The following G3BP1 variants were observed in gnomAD, a reference collection of about 807,000 sequenced individuals.
G3BP1 encodes the protein ras GTPase-activating protein-binding protein 1.
G3BP1 carries 35 observed loss-of-function variants against 58.6 expected under a neutral mutation model. The observed-to-expected ratio is 0.60, with a 90% CI of 0.46 to 0.79. The LOEUF (loss-of-function observed/expected upper bound fraction) is 0.79. G3BP1 is among the 30% of genes least tolerant of loss of function. The pLI, the probability that G3BP1 is intolerant of heterozygous loss-of-function variation, is 0.00. For missense variants in G3BP1, 523 were observed against 580.8 expected (o/e 0.90, Z 1.02); for synonymous variants, 191 against 195.4 (o/e 0.98, Z 0.19).
At chr5:151,785,153 A>T (rs961154438) in intron 1 of G3BP1, among the ~76,000 whole-genome samples, 1 of 152,232 alleles carries the variant, frequency 6.6e-6, no homozygotes, top group African/African-American at 2.4e-5. Flanking sequence ...GTGACCAGCC[A>T]ACTTTTAAAG....
At chr5:151,782,904 C>G (rs571339241) in intron 1 of G3BP1, among the ~76,000 whole-genome samples, 1 of 126,656 alleles carries the variant, frequency 7.9e-6, no homozygotes, top group Admixed American at 9.7e-5. Context: ...GTCGCCCAGG[C>G]TGGAGTGCAG....
At chr5:151,793,897 C>G (rs1762703397) in intron 4 of G3BP1, among the ~76,000 whole-genome samples, 1 of 150,400 alleles carries the variant, frequency 6.6e-6, no homozygotes, top group African/African-American at 2.4e-5. Flanking sequence ...CCCTGTAGTT[C>G]TAGCTACTTA....
rs895251730 is a variant in G3BP1, at chr5:151,797,223, A to G, written c.540-4A>G. The G allele has an allele frequency of 2.5e-6, 4 of 1,612,932 alleles. No homozygotes were observed. The highest frequency in any genetic ancestry group is 2.5e-6 in the Non-Finnish European group (3 of 1,179,420). ...ATGATATTTCTCAAATTTTCCTGTC[A>G]AAGTAATGACATGGAAGAACATTTA... On this transcript the variant is annotated splice_polypyrimidine_tract_variant and splice_region_variant and intron_variant, in intron 6 of 11. Coordinates refer to ENST00000356245, the MANE Select transcript of G3BP1 (RefSeq NM_005754.3).
At chr5:151,802,672 G>T (rs985338642) in intron 11 of G3BP1, among the ~76,000 whole-genome samples, 27 of 152,160 alleles carry the variant, frequency 1.8e-4, no homozygotes, top group African/African-American at 6.3e-4. Flanking sequence ...AGTGGCTCAC[G>T]CCTGTAATCC....
chr5:151,796,940 G>A (rs1392505666), intron 6 of G3BP1, among the ~76,000 whole-genome samples: 2 of 117,732 alleles, frequency 1.7e-5, no homozygotes, highest in Non-Finnish European at 3.2e-5. Flanking sequence ...TATGCTAAAT[G>A]AATTGTAATA....
chr5:151,781,176 A>C (rs1762464348), intron 1 of G3BP1, among the ~76,000 whole-genome samples: 1 of 152,236 alleles, frequency 6.6e-6, no homozygotes, highest in African/African-American at 2.4e-5. Context: ...ACACAAGTCT[A>C]TTACAGATTT....
Position 151,795,581 on chromosome 5 carries a change from A to T in G3BP1, c.539+6A>T, listed in dbSNP as rs904170617. The T allele has an allele frequency of 6.7e-7, 1 of 1,488,782 alleles. No homozygotes were observed. The highest frequency in any genetic ancestry group is 1.1e-5 in the South Asian group (1 of 87,988). 92.2% of individuals were successfully genotyped at this position (1,488,782 alleles called of 1,614,324 possible). A position where few individuals can be genotyped will look rare whatever the true frequency, so the allele number is the denominator to read the frequency against. On this transcript the variant is annotated splice_donor_region_variant and intron_variant, in intron 6 of 11. Transcript: ENST00000356245. ...TATGATCAGGCAGTTGTCAGGTAAG[A>T]AGATTTTGTTCACATGTCCGGGGCT... is the stretch of plus-strand genomic sequence containing the variant.
In G3BP1 at chr5:151,804,125, C is replaced by G. The variant is rs763289717; in HGVS notation, c.*34C>G. On this transcript the variant is annotated 3_prime_UTR_variant, in exon 12 of 12. Coordinates refer to ENST00000356245, the MANE Select transcript of G3BP1 (RefSeq NM_005754.3). The stretch of plus-strand genomic sequence containing the variant: ...GGATCTTCATGCAGCCATACAAACC[C>G]TGGTTCCAACAGAATGGTGAATTTT... 3 of 1,456,250 alleles carry G rather than the reference C, an allele frequency of 2.1e-6. No individual in the cohort carries two copies. The highest frequency in any genetic ancestry group is 2.0e-5 in the Admixed American group (1 of 50,976). The allele number at this position is 1,456,250 out of a possible 1,614,324, so 90.2% of individuals were successfully genotyped here.
Position 151,807,995 on chromosome 5 carries a change from A to G in G3BP1, c.*3904A>G, listed in dbSNP as rs1172872207. 1.3e-5 allele frequency: 2 copies of G among 152,228 alleles called. No homozygotes were observed. Among genetic ancestry groups the G allele is most frequent in the Non-Finnish European group, 2.9e-5 (2 of 68,038 alleles). 9.4% of individuals were successfully genotyped at this position (152,228 alleles called of 1,614,324 possible). A position where few individuals can be genotyped will look rare whatever the true frequency, so the allele number is the denominator to read the frequency against. ...TTCAGCAGTTTTTAAACTTGAAGTA[A>G]CATCAGCATTTATTTGAATATCAGG... On this transcript the variant is annotated 3_prime_UTR_variant, in exon 12 of 12. Coordinates refer to ENST00000356245, the MANE Select transcript of G3BP1 (RefSeq NM_005754.3).
At chr5:151,783,054 T>G (rs1762498709) in intron 1 of G3BP1, among the ~76,000 whole-genome samples, 1 of 151,896 alleles carries the variant, frequency 6.6e-6, no homozygotes, top group African/African-American at 2.4e-5. Flanking sequence ...AGGCGGGGTT[T>G]CGCCATGTTG....
intron 1 of G3BP1, among the ~76,000 whole-genome samples, chr5:151,775,071 G>A (rs1762343198): frequency 6.6e-6 from 1 of 152,178 alleles, no homozygotes; most frequent in Admixed American, 6.5e-5. Flanking sequence ...AAGGTGGAAA[G>A]CAATTTCAAA....
chr5:151,789,794 A>G (rs1197044573), intron 2 of G3BP1, among the ~76,000 whole-genome samples: 4 of 152,180 alleles, frequency 2.6e-5, no homozygotes, highest in Non-Finnish European at 5.9e-5. Context: ...TGAAACCTGG[A>G]ACCAAATCCA....
At chr5:151,788,617 ATTT>A (rs143074537) in intron 2 of G3BP1, among the ~76,000 whole-genome samples, 1,397 of 66,954 alleles carry the variant, frequency 0.021, 18 homozygotes, top group African/African-American at 0.057. Context: ...TGTGTGTATT[ATTT>A]ATTTATTTAT....
At chr5:151,772,352 C>T (rs571133459) in intron 1 of G3BP1, 1 of 152,180 alleles carries the variant, frequency 6.6e-6, no homozygotes, top group African/African-American at 2.4e-5. Context: ...CCAGGGGTCC[C>T]GCGCCCAGCG....
chr5:151,787,166 A>G (rs1017628136), intron 2 of G3BP1: 1 of 152,446 alleles, frequency 6.6e-6, no homozygotes, highest in African/African-American at 2.4e-5. Context: ...GCCCCAAAAA[A>G]TAATTTTTGA....
chr5:151,785,185 A>G (rs1486639182), intron 1 of G3BP1, among the ~76,000 whole-genome samples: 1 of 152,162 alleles, frequency 6.6e-6, no homozygotes, highest in African/African-American at 2.4e-5. Flanking sequence ...AAGACTTAGG[A>G]TCTAGATTGT....
Position 151,806,771 on chromosome 5 carries a change from A to T in G3BP1, c.*2680A>T, listed in dbSNP as rs192222498. Reference sequence around the variant, plus strand: ...TGTATAGTTATTAGCTACTGAGCTTAGAACTCTTGACCCATGAGATTTTTT... The same window carrying T: ...TGTATAGTTATTAGCTACTGAGCTTTGAACTCTTGACCCATGAGATTTTTT... On this transcript the variant is annotated 3_prime_UTR_variant, in exon 12 of 12. Coordinates refer to ENST00000356245, the MANE Select transcript of G3BP1 (RefSeq NM_005754.3). The T allele has an allele frequency of 6.6e-6, 1 of 152,324 alleles. No individual in the cohort carries two copies. The highest frequency in any genetic ancestry group is 6.5e-5 in the Admixed American group (1 of 15,292). The allele number at this position is 152,324 out of a possible 1,614,324, so 9.4% of individuals were successfully genotyped here.
At chr5:151,790,788 C>T (rs1276278693) in intron 3 of G3BP1, 101 bp from the exon 4 acceptor site, 2 of 674,068 alleles carry the variant, frequency 3.0e-6, no homozygotes, top group East Asian at 2.8e-5. Context: ...TAAATATACA[C>T]ATTCTCTTTG....
rs746314390 is a variant in G3BP1, at chr5:151,799,954, G to A, written c.909G>A (p.Val303=). The A allele has an allele frequency of 7.4e-6, 12 of 1,613,390 alleles. No individual in the cohort carries two copies. The East Asian group carries it at 1.8e-4, about 24-fold the overall frequency. The stretch of plus-strand genomic sequence containing the variant: ...AAAGACCTCAGCGGGATCAAAGAGT[G>A]CGAGAACAACGAATAAATATTCCTC... ...PPQRPQRDQR[V]REQRINIPPQ... is the part of the protein sequence containing the mutation. Residue 303 remains valine, a synonymous_variant, in exon 9 of 12, where the codon GTG becomes GTA. Transcript: ENST00000356245.
Sources: gnomAD v4.1 joint callset for allele counts (sites outside exome capture counted in the v4.1 genomes callset) on GRCh38, gnomAD v4.1.1 for gene constraint, MANE v1.5 for transcripts, NCBI Gene and HGNC (gene_info 2026-07-23, HGNC 2026-07-21) for gene names.